The following KIFC3 variants were observed in gnomAD, a reference collection of about 807,000 sequenced individuals.
KIFC3 encodes kinesin family member C3.
In KIFC3, 60 loss-of-function variants were observed where a neutral mutation model predicts 101.8. The ratio of observed to expected loss-of-function variants is 0.59; its 90% CI spans 0.48 to 0.73. The LOEUF is 0.73. KIFC3 is among the 30% of genes least tolerant of loss of function. KIFC3 has a pLI of 0.00. For synonymous variants in KIFC3, 476 were observed against 482.7 expected (o/e 0.99, Z 0.18); for missense variants, 966 against 1,137.1 (o/e 0.85, Z 2.16).
At chr16:57,803,681 C>T (rs572507330), upstream of KIFC3, among the ~76,000 whole-genome samples, 2 of 152,374 alleles carry the variant, frequency 1.3e-5, no homozygotes, top group South Asian at 4.1e-4. Context: ...AGTCCCCCAG[C>T]TGGAAGCAGC....
intron 7 of KIFC3, among the ~76,000 whole-genome samples, chr16:57,770,213 G>A (rs1276434041): frequency 6.6e-6 from 1 of 152,240 alleles, no homozygotes; most frequent in African/African-American, 2.4e-5. Context: ...GGTAGGAGAG[G>A]GCCTCTGTGA....
In KIFC3 at chr16:57,758,674, G is replaced by C. The variant is rs149068388; in HGVS notation, c.*260C>G. The C allele has an allele frequency of 3.2e-3, 2,280 of 711,900 alleles. 3 individuals carry two copies. The highest frequency in any genetic ancestry group is 4.2e-3 in the Non-Finnish European group (1,662 of 394,312). 44.1% of individuals were successfully genotyped at this position (711,900 alleles called of 1,614,324 possible). A position where few individuals can be genotyped will look rare whatever the true frequency, so the allele number is the denominator to read the frequency against. ...GCTGATGGCCCAGGCCTGCCAGGAA[G>C]AGCAGCCACCCCCGCCTTTCCGCCC... On this transcript the variant is annotated 3_prime_UTR_variant, in exon 20 of 20. Coordinates refer to ENST00000445690, the MANE Select transcript of KIFC3 (RefSeq NM_001130100.2).
intron 1 of KIFC3, among the ~76,000 whole-genome samples, chr16:57,855,943 C>T (rs1255423937): frequency 1.4e-5 from 1 of 70,736 alleles, no homozygotes; most frequent in East Asian, 7.2e-4. Flanking sequence ...GAGACTCCAT[C>T]TCAAAAAAAA....
intron 3 of KIFC3, among the ~76,000 whole-genome samples, chr16:57,773,019 C>T (rs976549178): frequency 6.6e-6 from 1 of 152,176 alleles, no homozygotes; most frequent in Non-Finnish European, 1.5e-5. Flanking sequence ...CCTTCCCCGG[C>T]GCTGTCCTCC....
intron 1 of KIFC3, among the ~76,000 whole-genome samples, chr16:57,827,486 C>T (rs1307521802): frequency 7.2e-5 from 11 of 152,350 alleles, no homozygotes; most frequent in East Asian, 3.9e-4. Context: ...ACAGAGGAGA[C>T]GCTCAACACC....
intron 3 of KIFC3, chr16:57,785,328 A>G (rs2053207359): frequency 3.2e-6 from 1 of 311,114 alleles, no homozygotes; most frequent in Non-Finnish European, 5.4e-6. Context: ...CCTACCCTCC[A>G]GCGTATTCCA....
intron 1 of KIFC3, among the ~76,000 whole-genome samples, chr16:57,861,072 C>T (rs1567349878): frequency 6.6e-6 from 1 of 152,158 alleles, no homozygotes; most frequent in Non-Finnish European, 1.5e-5. Context: ...TAGCATACTT[C>T]ATTACAAAGA....
intron 1 of KIFC3, among the ~76,000 whole-genome samples, chr16:57,809,416 C>A: frequency 6.6e-6 from 1 of 152,238 alleles, no homozygotes; most frequent in East Asian, 1.9e-4. Context: ...CCACCTCAGC[C>A]TCCCGTGTAC....
chr16:57,836,697 T>C (rs1316898645), intron 1 of KIFC3, among the ~76,000 whole-genome samples: 1 of 152,100 alleles, frequency 6.6e-6, no homozygotes, highest in Non-Finnish European at 1.5e-5. Flanking sequence ...TGTATTTTTG[T>C]TCTTATTTTT....
intron 1 of KIFC3, among the ~76,000 whole-genome samples, chr16:57,840,742 A>G (rs1698094355): frequency 6.6e-6 from 1 of 150,866 alleles, no homozygotes; most frequent in African/African-American, 2.5e-5. Flanking sequence ...CCTGGGCAAC[A>G]AGAGCGAAAC....
intron 3 of KIFC3, among the ~76,000 whole-genome samples, chr16:57,773,050 G>A (rs983197091): frequency 2.6e-5 from 4 of 152,054 alleles, no homozygotes; most frequent in Admixed American, 2.6e-4. Flanking sequence ...CCCCTCCCAA[G>A]GCCCTAGACC....
intron 7 of KIFC3, 104 bp downstream of exon 7, chr16:57,770,423 G>A: frequency 9.3e-7 from 1 of 1,072,812 alleles, no homozygotes; most frequent in Non-Finnish European, 1.2e-6. Flanking sequence ...AGGAGGGACT[G>A]GACCCCGTGT....
chr16:57,771,801 G>A (rs2051259303), intron 4 of KIFC3, 115 bp from the exon 5 acceptor site: 1 of 1,285,018 alleles, frequency 7.8e-7, no homozygotes, highest in South Asian at 1.5e-5. Context: ...TGTGGAGAAA[G>A]GCAGAGGGAA....
Position 57,761,032 on chromosome 16 carries a change from C to T in KIFC3, c.2002+10G>A. ...GGGGATCCTCAGGCCAGGCTGCCTG[C>T]CACTCTCACCCGTGGTGCGGAGGCC... On this transcript the variant is annotated intron_variant, in intron 15 of 19. Coordinates refer to ENST00000445690, the MANE Select transcript of KIFC3 (RefSeq NM_001130100.2). The T allele has an allele frequency of 1.2e-6, 2 of 1,605,252 alleles. No homozygotes were observed. Among genetic ancestry groups the T allele is most frequent in the Non-Finnish European group, 1.7e-6 (2 of 1,175,272 alleles).
At chr16:57,822,791 G>A (rs565441397) in intron 1 of KIFC3, among the ~76,000 whole-genome samples, 2 of 152,288 alleles carry the variant, frequency 1.3e-5, no homozygotes, top group African/African-American at 2.4e-5. Context: ...CAGATTGAAG[G>A]CAACACAGAG....
chr16:57,837,775 T>C (rs904962896), intron 1 of KIFC3, among the ~76,000 whole-genome samples: 23 of 152,050 alleles, frequency 1.5e-4, no homozygotes, highest in Non-Finnish European at 2.4e-4. Flanking sequence ...GCCTTGGGAA[T>C]CGGGACTTTA....
At chr16:57,781,779 C>T (rs2052765611) in intron 3 of KIFC3, 1 of 207,344 alleles carries the variant, frequency 4.8e-6, no homozygotes, top group Non-Finnish European at 8.4e-6. Context: ...ATTATTATCC[C>T]CATTTTACAG....
intron 12 of KIFC3, among the ~76,000 whole-genome samples, chr16:57,762,629 A>G (rs1321252236): frequency 6.6e-6 from 1 of 152,058 alleles, no homozygotes; most frequent in Non-Finnish European, 1.5e-5. Flanking sequence ...CACTGCCCAG[A>G]AAGGCGCTCA....
At chr16:57,760,138 G>A (rs1242825107) in intron 17 of KIFC3, 144 bp downstream of exon 17, 9 of 970,886 alleles carry the variant, frequency 9.3e-6, no homozygotes, top group Non-Finnish European at 1.2e-5. Flanking sequence ...GCTGGCTGTG[G>A]GTTCCAGCCG....
Sources: allele counts gnomAD v4.1 joint callset (sites outside exome capture counted in the v4.1 genomes callset), GRCh38; gene constraint gnomAD v4.1.1; transcripts MANE v1.5; gene names NCBI Gene and HGNC (gene_info 2026-07-23, HGNC 2026-07-21).